The following PDE8B variants were observed in gnomAD, a reference collection of about 807,000 sequenced individuals.
The protein encoded by PDE8B is high affinity cAMP-specific and IBMX-insensitive 3',5'-cyclic phosphodiesterase 8B.
In PDE8B, 26 loss-of-function variants were observed where a neutral mutation model predicts 101.3. The ratio of observed to expected loss-of-function variants is 0.26; its 90% CI spans 0.19 to 0.36. The LOEUF (loss-of-function observed/expected upper bound fraction) is 0.36, where lower values mean the gene tolerates loss of function less well. PDE8B is among the 10% of genes least tolerant of loss of function. The probability of loss-of-function intolerance (pLI) is 1.00; values close to 1 mark genes in which losing one functional copy is unlikely to be tolerated. For synonymous variants in PDE8B, 424 were observed against 429.3 expected, an observed-to-expected ratio of 0.99 and a Z score of 0.15; for missense variants, 810 against 1,163.1, an observed-to-expected ratio of 0.70 and a Z score of 4.42.
At chr5:77,212,837 G>T (rs1434966410) in intron 1 of PDE8B, among the ~76,000 whole-genome samples, 1 of 152,088 alleles carries the variant, frequency 6.6e-6, no homozygotes, top group Non-Finnish European at 1.5e-5. Flanking sequence ...TATTAAGTTG[G>T]GATATTATCA....
At chr5:77,299,484 T>C (rs978515222) in intron 1 of PDE8B, among the ~76,000 whole-genome samples, 4 of 142,412 alleles carry the variant, frequency 2.8e-5, no homozygotes, top group South Asian at 2.3e-4. Context: ...CATGTGTTCT[T>C]GTTGTTCAGT....
chr5:77,127,761 G>T, the PDE8B span, among the ~76,000 whole-genome samples: 1 of 152,074 alleles, frequency 6.6e-6, no homozygotes, highest in African/African-American at 2.4e-5. Flanking sequence ...CCCCAGCAAG[G>T]AGAAGAAGGC....
the PDE8B span, among the ~76,000 whole-genome samples, chr5:77,154,941 G>C: frequency 6.6e-6 from 1 of 152,164 alleles, no homozygotes; most frequent in Non-Finnish European, 1.5e-5. Context: ...AGACCTTAGT[G>C]ATCATTGAGT....
chr5:77,178,732 G>A, the PDE8B span, among the ~76,000 whole-genome samples: 2 of 152,104 alleles, frequency 1.3e-5, no homozygotes, highest in South Asian at 4.2e-4. Context: ...CTCTGAAAGC[G>A]GCAATCAATA....
chr5:77,284,431 C>T (rs1307692879), intron 1 of PDE8B, among the ~76,000 whole-genome samples: 1 of 152,114 alleles, frequency 6.6e-6, no homozygotes, highest in Non-Finnish European at 1.5e-5. Flanking sequence ...CCTATGCTAT[C>T]TTCTAGGAGT....
chr5:77,153,502 G>A, the PDE8B span, among the ~76,000 whole-genome samples: 2 of 150,924 alleles, frequency 1.3e-5, no homozygotes, highest in Non-Finnish European at 3.0e-5. Flanking sequence ...ATATTGGACA[G>A]TTTATTTACT....
chr5:77,286,290 A>G lies in PDE8B; in HGVS notation c.340-25704A>G, dbSNP rs553172024. Among the ~76,000 whole-genome samples the G allele has an allele frequency of 5.3e-5, 8 of 152,322 alleles. No individual in the cohort carries two copies. In the South Asian group the frequency reaches 1.0e-3, roughly 20 times the overall value. On this transcript the variant is annotated intron_variant, in intron 1 of 21. Coordinates refer to ENST00000264917, the MANE Select transcript of PDE8B (RefSeq NM_003719.5). ...CTCCTTAAAATCTTCCCTGTGCATG[A>G]ACAGTTCCAGGATCAGCCAGAGATG...
At position 77,412,035 on chromosome 5, in the gene PDE8B, A is replaced by G. The variant is rs953235023; in HGVS notation, c.1577-65A>G. 5.8e-6 allele frequency: 9 copies of G among 1,552,862 alleles called. No individual in the cohort carries two copies. In the African/African-American group the frequency reaches 1.2e-4, roughly 21 times the overall value. ...TCTAGTAGTAACTATGAAGATGATGACAGACACCCGGGCACTCAAGATTCC... is the reference window on the plus strand; with the variant it reads ...TCTAGTAGTAACTATGAAGATGATGGCAGACACCCGGGCACTCAAGATTCC... On this transcript the variant is annotated intron_variant, in intron 15 of 21. Coordinates refer to ENST00000264917, the MANE Select transcript of PDE8B (RefSeq NM_003719.5).
At chr5:77,358,349 G>T in intron 10 of PDE8B, 1 of 645,412 alleles carries the variant, frequency 1.5e-6, no homozygotes, top group African/African-American at 2.0e-5. Context: ...CTTCCCCCCA[G>T]GAAATCTTCC....
intron 17 of PDE8B, among the ~76,000 whole-genome samples, chr5:77,414,686 T>A (rs1054496936): frequency 7.3e-5 from 11 of 150,920 alleles, no homozygotes; most frequent in African/African-American, 1.9e-4. Context: ...CGCCTCAACC[T>A]CCCAAAGTGC....
At chr5:77,405,174 C>T (rs1793171214) in intron 12 of PDE8B, among the ~76,000 whole-genome samples, 2 of 152,206 alleles carry the variant, frequency 1.3e-5, no homozygotes, top group Non-Finnish European at 2.9e-5. Context: ...AGTGTACCAG[C>T]TATATGCACT....
chr5:77,354,708 C>A (rs1418875941), intron 10 of PDE8B, among the ~76,000 whole-genome samples: 1 of 152,168 alleles, frequency 6.6e-6, no homozygotes, highest in Non-Finnish European at 1.5e-5. Flanking sequence ...AAGCACAGTT[C>A]ATGTCCAGTT....
chr5:77,310,689 A>AC (rs1297963852), intron 1 of PDE8B, among the ~76,000 whole-genome samples: 1 of 151,838 alleles, frequency 6.6e-6, no homozygotes, highest in Non-Finnish European at 1.5e-5. Context: ...CCTCCTGAGA[A>AC]CCCCCCACAG....
chr5:77,411,472 C>T (rs1043822672), intron 14 of PDE8B, among the ~76,000 whole-genome samples: 2 of 152,160 alleles, frequency 1.3e-5, no homozygotes, highest in African/African-American at 4.8e-5. Context: ...CCCAGTTCTC[C>T]ACGTTCTGGG....
the PDE8B span, among the ~76,000 whole-genome samples, chr5:77,135,778 AT>A: frequency 4.3e-3 from 624 of 145,772 alleles, 4 homozygotes; most frequent in African/African-American, 0.011. Flanking sequence ...CCTGGCTGGA[AT>A]TTTTTTTTTT....
chr5:77,410,659 C>T (rs940106106), intron 14 of PDE8B: 4 of 138,226 alleles, frequency 2.9e-5, no homozygotes, highest in Non-Finnish European at 6.2e-5. Context: ...GCCATACACA[C>T]GTTACAGGCA....
intron 16 of PDE8B, among the ~76,000 whole-genome samples, chr5:77,412,459 C>T (rs568157454): frequency 6.6e-6 from 1 of 152,204 alleles, no homozygotes; most frequent in South Asian, 2.1e-4. Context: ...TGGGTATCCA[C>T]AGCTCCCTCC....
intron 1 of PDE8B, among the ~76,000 whole-genome samples, chr5:77,245,936 T>TA (rs1391650229): frequency 2.1e-5 from 3 of 143,844 alleles, no homozygotes; most frequent in African/African-American, 7.7e-5. Flanking sequence ...ACTGTAGCCT[T>TA]ACCTCCTGAG....
intron 1 of PDE8B, among the ~76,000 whole-genome samples, chr5:77,240,302 C>T (rs1203938516): frequency 1.2e-4 from 18 of 152,132 alleles, no homozygotes; most frequent in African/African-American, 4.1e-4. Flanking sequence ...TACAGACGCC[C>T]GCCACCGCGC....
Sources: gnomAD v4.1 joint callset for allele counts (sites outside exome capture counted in the v4.1 genomes callset) on GRCh38, gnomAD v4.1.1 for gene constraint, MANE v1.5 for transcripts, NCBI Gene and HGNC (gene_info 2026-07-23, HGNC 2026-07-21) for gene names.